Variants in PTPN20 observed in about 807,000 individuals in gnomAD.
The protein encoded by PTPN20 is protein tyrosine phosphatase non-receptor type 20.
Under a neutral mutation model 35.0 loss-of-function variants are expected in PTPN20, and 9 were observed. That is an observed-to-expected ratio of 0.26 (90% CI 0.15 to 0.45). The LOEUF is 0.45. PTPN20 is among the 20% of genes least tolerant of loss of function. The pLI is 1.00. For missense variants in PTPN20, 111 were observed against 312.5 expected, an observed-to-expected ratio of 0.36 and a Z score of 4.86; for synonymous variants, 32 against 100.2, an observed-to-expected ratio of 0.32 and a Z score of 4.06.
At position 46,931,627 on chromosome 10, in the gene PTPN20, T is replaced by A. The variant is rs1483901860; in HGVS notation, c.-123-750T>A. On this transcript the variant is annotated intron_variant, in intron 1 of 10. Transcript: ENST00000374339. Reference sequence around the variant, plus strand: ...GTCTCAAACTCCTGAGCTCAAGCGATCCTCCTGCCTTGGCCTCCCAAAGTG... The same window carrying A: ...GTCTCAAACTCCTGAGCTCAAGCGAACCTCCTGCCTTGGCCTCCCAAAGTG... 2.1e-5 allele frequency among the ~76,000 whole-genome samples: 3 copies of A among 143,580 alleles called. 1 individual carries two copies. In the South Asian group the frequency reaches 6.4e-4, roughly 31 times the overall value. 94.2% of individuals were successfully genotyped at this position (143,580 alleles called of 152,430 possible).
chr10:46,931,543 G>A (rs1228281149), intron 1 of PTPN20, among the ~76,000 whole-genome samples: 2 of 141,714 alleles, frequency 1.4e-5, no homozygotes, highest in Admixed American at 1.4e-4. Flanking sequence ...CCACAGGTGT[G>A]TGCCACCACA....
rs878968027 is a variant in PTPN20 at position 46,995,333 on chromosome 10, C to CTTTTTTT, written c.1135-4565_1135-4559dup. Among the ~76,000 whole-genome samples the CTTTTTTT allele has an allele frequency of 5.5e-4, 47 of 85,680 alleles. 1 individual carries two copies. The highest frequency in any genetic ancestry group is 7.0e-4 in the East Asian group (2 of 2,858). The allele number at this position is 85,680 out of a possible 152,430, so 56.2% of individuals were successfully genotyped here. ...AATTTACCTGTCGAATTTTTTTTTT[C>CTTTTTTT]TTTTTTTTTTTTTTTTTTTTGGTGA... On this transcript the variant is annotated intron_variant, in intron 9 of 10. Transcript: ENST00000374339.
chr10:46,999,881 A>T, intron 9 of PTPN20, 31 bp from the exon 10 acceptor site: 4 of 1,612,712 alleles, frequency 2.5e-6, no homozygotes, highest in Non-Finnish European at 3.4e-6. Flanking sequence ...CCCCATGTGG[A>T]TCATACAAAA....
Position 47,001,967 on chromosome 10 carries a change from T to C in PTPN20, c.*1226T>C, listed in dbSNP as rs1384545579. The stretch of plus-strand genomic sequence containing the variant: ...CAGTTTAACTCAATGGAGATCAGAA[T>C]ATTCTATGTATTGAGAAAATGTTTA... On this transcript the variant is annotated 3_prime_UTR_variant, in exon 11 of 11. Coordinates refer to ENST00000374339, the MANE Select transcript of PTPN20 (RefSeq NM_001042357.5). 1.3e-5 allele frequency: 2 copies of C among 152,152 alleles called. No homozygotes were observed. The highest frequency in any genetic ancestry group is 4.8e-5 in the African/African-American group (2 of 41,468). 9.4% of individuals were successfully genotyped at this position (152,152 alleles called of 1,614,324 possible).
intron 5 of PTPN20, among the ~76,000 whole-genome samples, chr10:46,948,602 C>T (rs1205315674): frequency 1.3e-5 from 2 of 150,378 alleles, no homozygotes; most frequent in African/African-American, 2.5e-5. Flanking sequence ...TTAGCTTGTG[C>T]GCAGGGTGTC....
At chr10:47,002,470 A>G (rs1229277880), downstream of PTPN20, 1 of 152,032 alleles carries the variant, frequency 6.6e-6, no homozygotes, top group Non-Finnish European at 1.5e-5. Flanking sequence ...GGGAAATTAA[A>G]GGAGTGAATA....
chr10:46,999,392 C>T (rs976791360), intron 9 of PTPN20, among the ~76,000 whole-genome samples: 4 of 152,184 alleles, frequency 2.6e-5, no homozygotes, highest in Non-Finnish European at 5.9e-5. Flanking sequence ...TGAGCACTTA[C>T]TCCCAGTTTC....
chr10:46,998,096 C>T (rs2059465401), intron 9 of PTPN20, among the ~76,000 whole-genome samples: 3 of 152,168 alleles, frequency 2.0e-5, no homozygotes, highest in Non-Finnish European at 4.4e-5. Context: ...CTAAAGTTGA[C>T]ATATAACCCA....
intron 8 of PTPN20, among the ~76,000 whole-genome samples, chr10:46,984,910 TGG>T (rs2056574422): frequency 2.2e-5 from 1 of 44,996 alleles, no homozygotes; most frequent in Non-Finnish European, 4.6e-5. Flanking sequence ...GTGGAGAGGT[TGG>T]TTACACTCAC....
chr10:46,951,516 G>A (rs1280985768), intron 5 of PTPN20, among the ~76,000 whole-genome samples: 3 of 152,200 alleles, frequency 2.0e-5, no homozygotes, highest in African/African-American at 7.2e-5. Context: ...GTTTAAAAAG[G>A]TCTTCTTTAC....
chr10:47,001,997 C>T lies in PTPN20; in HGVS notation c.*1256C>T, dbSNP rs1230765980. 2 of 152,036 alleles carry T rather than the reference C, an allele frequency of 1.3e-5. No individual in the cohort carries two copies. Among genetic ancestry groups the T allele is most frequent in the Non-Finnish European group, 2.9e-5 (2 of 67,948 alleles). The allele number at this position is 152,036 out of a possible 1,614,324, so 9.4% of individuals were successfully genotyped here. A position where few individuals can be genotyped will look rare whatever the true frequency, so the allele number is the denominator to read the frequency against. On this transcript the variant is annotated 3_prime_UTR_variant, in exon 11 of 11. Transcript: ENST00000374339. ...TATGTATTGAGAAAATGTTTAATAT[C>T]AATCTATAAATCTTGAATTTCTAAG...
intron 5 of PTPN20, among the ~76,000 whole-genome samples, chr10:46,951,204 A>G (rs2046533024): frequency 6.6e-6 from 1 of 152,120 alleles, no homozygotes; most frequent in African/African-American, 2.4e-5. Context: ...CATGTTGGTC[A>G]GGCTGGTCTC....
chr10:46,979,087 TA>T (rs2054540986), intron 7 of PTPN20, among the ~76,000 whole-genome samples: 1 of 151,798 alleles, frequency 6.6e-6, no homozygotes. Context: ...GGCACACTGC[TA>T]AAAATGTATA....
chr10:46,929,649 TAC>T (rs1267342731), intron 1 of PTPN20, among the ~76,000 whole-genome samples: 1 of 150,442 alleles, frequency 6.6e-6, no homozygotes, highest in Non-Finnish European at 1.5e-5. Context: ...GTGAAAATGT[TAC>T]AGTTTCTGTC....
chr10:46,935,683 A>G (rs1267404019), intron 2 of PTPN20, among the ~76,000 whole-genome samples: 2 of 148,532 alleles, frequency 1.3e-5, no homozygotes, highest in South Asian at 2.1e-4. Context: ...TTTTTGCACC[A>G]CATTTTCTTT....
intron 4 of PTPN20, among the ~76,000 whole-genome samples, chr10:46,945,524 C>T (rs1258463572): frequency 2.0e-5 from 3 of 152,196 alleles, no homozygotes; most frequent in African/African-American, 7.2e-5. Context: ...GAAAAATAGA[C>T]AGAGGCCACC....
At chr10:47,002,639 A>T (rs2060123478), downstream of PTPN20, among the ~76,000 whole-genome samples, 3 of 152,068 alleles carry the variant, frequency 2.0e-5, no homozygotes, top group South Asian at 4.1e-4. Flanking sequence ...GAGTATATGA[A>T]TGCTAATTTA....
intron 2 of PTPN20, among the ~76,000 whole-genome samples, chr10:46,936,097 T>A (rs1333108734): frequency 6.6e-6 from 1 of 152,240 alleles, no homozygotes; most frequent in East Asian, 1.9e-4. Flanking sequence ...TATGTGTATG[T>A]CTCCTTTTGA....
chr10:47,000,597 T>C, intron 10 of PTPN20, 79 bp from the exon 11 acceptor site: 1 of 1,564,340 alleles, frequency 6.4e-7, no homozygotes, highest in Non-Finnish European at 8.8e-7. Context: ...TGGCTGAAAA[T>C]TACAAATGTG....
Sources: gnomAD v4.1 joint callset for allele counts (sites outside exome capture counted in the v4.1 genomes callset) on GRCh38, gnomAD v4.1.1 for gene constraint, MANE v1.5 for transcripts, NCBI Gene and HGNC (gene_info 2026-07-23, HGNC 2026-07-21) for gene names.